DOK6: variants seen among roughly 807,000 people sequenced by gnomAD.
DOK6 encodes docking protein 6.
In DOK6, 22 loss-of-function variants were observed where a neutral mutation model predicts 44.0. The ratio of observed to expected loss-of-function variants is 0.50; its 90% confidence interval spans 0.36 to 0.71. DOK6 has a LOEUF of 0.71. Among genes scored for constraint, DOK6 ranks in the 30% least tolerant of loss-of-function variants. The pLI is 0.00. For synonymous variants in DOK6, 166 were observed against 145.5 expected, an observed-to-expected ratio of 1.14 and a Z score of -1.01; for missense variants, 340 against 416.4, an observed-to-expected ratio of 0.82 and a Z score of 1.60.
chr18:69,722,298 A>G (rs1454848060), intron 5 of DOK6, among the ~76,000 whole-genome samples: 3 of 152,198 alleles, frequency 2.0e-5, no homozygotes, highest in Non-Finnish European at 4.4e-5. Context: ...TTATCTCCAA[A>G]TGAGTGCTTT....
At chr18:69,722,363 CCTA>C (rs1169302488) in intron 5 of DOK6, among the ~76,000 whole-genome samples, 1 of 152,180 alleles carries the variant, frequency 6.6e-6, no homozygotes, top group Non-Finnish European at 1.5e-5. Flanking sequence ...TAAGTGTAAG[CCTA>C]CTGTTTCAGC....
intron 5 of DOK6, among the ~76,000 whole-genome samples, chr18:69,709,032 T>C (rs1986699780): frequency 6.6e-6 from 1 of 152,102 alleles, no homozygotes; most frequent in African/African-American, 2.4e-5. Context: ...GTGAACCGAG[T>C]GTGAACTCAC....
intron 7 of DOK6, among the ~76,000 whole-genome samples, chr18:69,790,165 T>A (rs961262945): frequency 5.5e-5 from 8 of 144,268 alleles, no homozygotes; most frequent in Non-Finnish European, 1.2e-4. Flanking sequence ...TGTGCAATTT[T>A]AAAAATTGCT....
intron 3 of DOK6, among the ~76,000 whole-genome samples, chr18:69,626,302 A>G (rs116367538): frequency 0.012 from 1,871 of 152,336 alleles, 25 homozygotes; most frequent in African/African-American, 0.043. Flanking sequence ...GTTGTATTTC[A>G]TGAGAATATT....
chr18:69,561,286 C>A (rs1982825573), intron 1 of DOK6, among the ~76,000 whole-genome samples: 1 of 147,812 alleles, frequency 6.8e-6, no homozygotes. Context: ...GATTCCAGAG[C>A]TCTATTAAGT....
chr18:69,838,407 T>C (rs1036616178), intron 7 of DOK6, among the ~76,000 whole-genome samples: 1 of 152,146 alleles, frequency 6.6e-6, no homozygotes, highest in African/African-American at 2.4e-5. Flanking sequence ...TTTTAAGTGC[T>C]TTTTCCCATA....
chr18:69,789,215 T>C (rs958968894), intron 7 of DOK6, among the ~76,000 whole-genome samples: 3 of 152,308 alleles, frequency 2.0e-5, no homozygotes, highest in Admixed American at 6.5e-5. Context: ...TATTTATTCA[T>C]AGGCTTAATG....
intron 1 of DOK6, among the ~76,000 whole-genome samples, chr18:69,537,737 A>G (rs1468940185): frequency 6.6e-6 from 1 of 152,210 alleles, no homozygotes; most frequent in African/African-American, 2.4e-5. Context: ...CCTAGCAAAC[A>G]TATTTCAAAG....
rs2145144516 is a variant in DOK6, at chr18:69,844,498, T to A, written c.*3115T>A. ...TATTAATCAATGTACACATGATTGATGCATGATATTACACTTAAAATGCAG... is the reference window on the plus strand; with the variant it reads ...TATTAATCAATGTACACATGATTGAAGCATGATATTACACTTAAAATGCAG... On this transcript the variant is annotated 3_prime_UTR_variant, in exon 8 of 8. Coordinates refer to ENST00000382713, the MANE Select transcript of DOK6 (RefSeq NM_152721.6). The A allele has an allele frequency of 6.6e-6, 1 of 152,312 alleles. No individual in the cohort carries two copies. The highest frequency in any genetic ancestry group is 1.5e-5 in the Non-Finnish European group (1 of 68,034). The allele number at this position is 152,312 out of a possible 1,614,324, so 9.4% of individuals were successfully genotyped here. A position where few individuals can be genotyped will look rare whatever the true frequency, so the allele number is the denominator to read the frequency against.
chr18:69,761,346 C>T (rs1979546464), intron 7 of DOK6, among the ~76,000 whole-genome samples: 2 of 152,198 alleles, frequency 1.3e-5, no homozygotes, highest in Admixed American at 1.3e-4. Flanking sequence ...CCAATTATTA[C>T]TTTACCAAAA....
chr18:69,738,737 T>C (rs1978697636), intron 5 of DOK6, among the ~76,000 whole-genome samples: 1 of 152,342 alleles, frequency 6.6e-6, no homozygotes, highest in South Asian at 2.1e-4. Context: ...TGTGAATGCT[T>C]CCTTTTTAAA....
intron 1 of DOK6, among the ~76,000 whole-genome samples, chr18:69,425,067 T>G (rs1463200250): frequency 2.0e-5 from 3 of 152,072 alleles, no homozygotes; most frequent in Non-Finnish European, 4.4e-5. Context: ...CAGTCTAGAT[T>G]ATTGTGAGCA....
chr18:69,442,555 G>A (rs984123501), intron 1 of DOK6, among the ~76,000 whole-genome samples: 2 of 152,084 alleles, frequency 1.3e-5, no homozygotes, highest in Non-Finnish European at 1.5e-5. Flanking sequence ...CACCTCCCAC[G>A]AGGCCCCTCC....
At chr18:69,782,217 T>A (rs1028980060) in intron 7 of DOK6, among the ~76,000 whole-genome samples, 1 of 149,496 alleles carries the variant, frequency 6.7e-6, no homozygotes, top group Non-Finnish European at 1.5e-5. Context: ...AAGATTTTTT[T>A]TTTTTTTTTT....
intron 1 of DOK6, among the ~76,000 whole-genome samples, chr18:69,413,422 C>T (rs1978314349): frequency 6.6e-6 from 1 of 152,036 alleles, no homozygotes; most frequent in South Asian, 2.1e-4. Context: ...ACATCCAGAT[C>T]ATACAATTAA....
chr18:69,401,142 C>G lies in DOK6; in HGVS notation c.-103C>G. 8.3e-7 allele frequency: 1 copy of G among 1,208,388 alleles called. No individual in the cohort carries two copies. The highest frequency in any genetic ancestry group is 1.1e-6 in the Non-Finnish European group (1 of 929,990). The allele number at this position is 1,208,388 out of a possible 1,614,324, so 74.9% of individuals were successfully genotyped here. On this transcript the variant is annotated 5_prime_UTR_variant, in exon 1 of 8. Transcript: ENST00000382713. ...GAGCGGGCGGCGGCGCTGCTGCTGG[C>G]GGCGGCCGGCTGGATGCGAGACCCG...
intron 7 of DOK6, among the ~76,000 whole-genome samples, chr18:69,833,339 T>C (rs981586743): frequency 6.6e-6 from 1 of 152,138 alleles, no homozygotes; most frequent in African/African-American, 2.4e-5. Context: ...TAAATGGTGC[T>C]GAGAAAACTG....
chr18:69,769,295 A>G (rs1468295260), intron 7 of DOK6, among the ~76,000 whole-genome samples: 1 of 152,110 alleles, frequency 6.6e-6, no homozygotes, highest in Non-Finnish European at 1.5e-5. Context: ...TTTTTTATTC[A>G]TCAGGAAAGT....
Position 69,496,516 on chromosome 18 carries a change from T to C in DOK6, c.67-67971T>C, listed in dbSNP as rs118040009. On this transcript the variant is annotated intron_variant, in intron 1 of 7. Transcript: ENST00000382713. ...CGTTCAGCTATTTTCAGTGGACCTA[T>C]ATACACTTAAATTTCACACAGTTCC... Among the ~76,000 whole-genome samples, 12 of 152,386 alleles carry C rather than the reference T, an allele frequency of 7.9e-5. No homozygotes were observed. The East Asian group carries it at 2.3e-3, about 29-fold the overall frequency.
Sources: allele counts gnomAD v4.1 joint callset (sites outside exome capture counted in the v4.1 genomes callset), GRCh38; gene constraint gnomAD v4.1.1; transcripts MANE v1.5; gene names NCBI Gene and HGNC (gene_info 2026-07-23, HGNC 2026-07-21).